SPATS2: variants seen among roughly 807,000 people sequenced by gnomAD.
SPATS2 encodes the protein spermatogenesis associated serine rich 2, also known as spermatogenesis-associated serine-rich protein 2.
A neutral mutation model predicts 63.7 loss-of-function variants in SPATS2; 38 were observed. The ratio of observed to expected loss-of-function variants is 0.60; its 90% CI spans 0.46 to 0.78. The LOEUF is 0.78. SPATS2 is among the 30% of genes least tolerant of loss of function. The pLI is 0.00. For missense variants in SPATS2, 588 were observed against 666.2 expected, an observed-to-expected ratio of 0.88 and a Z score of 1.29; for synonymous variants, 207 against 232.9, an observed-to-expected ratio of 0.89 and a Z score of 1.01.
At chr12:49,468,814 A>G (rs571457173) in intron 3 of SPATS2, among the ~76,000 whole-genome samples, 10 of 152,284 alleles carry the variant, frequency 6.6e-5, no homozygotes, top group African/African-American at 2.4e-4. Context: ...TTGCTGAGCT[A>G]TAGAACTTTT....
chr12:49,445,151 C>T (rs2137574089), intron 2 of SPATS2, among the ~76,000 whole-genome samples: 1 of 152,192 alleles, frequency 6.6e-6, no homozygotes, highest in Non-Finnish European at 1.5e-5. Flanking sequence ...TTGTTGAAAA[C>T]AAGTGATGAG....
intron 9 of SPATS2, among the ~76,000 whole-genome samples, chr12:49,502,069 A>G (rs879598262): frequency 4.6e-5 from 7 of 152,178 alleles, no homozygotes; most frequent in East Asian, 1.9e-4. Flanking sequence ...TGTTCATTAT[A>G]CTTATTTTTA....
intron 2 of SPATS2, among the ~76,000 whole-genome samples, chr12:49,409,035 A>T (rs1944748959): frequency 6.6e-6 from 1 of 152,302 alleles, no homozygotes; most frequent in South Asian, 2.1e-4. Context: ...GGACAGATGG[A>T]ATAATAATAG....
intron 9 of SPATS2, among the ~76,000 whole-genome samples, chr12:49,506,740 A>G (rs1946660595): frequency 6.6e-6 from 1 of 152,024 alleles, no homozygotes; most frequent in South Asian, 2.1e-4. Flanking sequence ...CAGCTACTCA[A>G]GAGGATCGCT....
In SPATS2 at chr12:49,516,197, ATAT is replaced by A. The variant is rs1565760977; in HGVS notation, c.898+1585_898+1587del. On this transcript the variant is annotated intron_variant, in intron 10 of 13. Transcript: ENST00000552918. ...TATATATATATATATATATATATAT[ATAT>A]ATATATATAAATCAGGCATGGGGTC... Among the ~76,000 whole-genome samples, 108 of 111,574 alleles carry A rather than the reference ATAT, an allele frequency of 9.7e-4. 9 individuals are homozygous for A. Among genetic ancestry groups the A allele is most frequent in the Middle Eastern group, 4.2e-3 (1 of 240 alleles). 73.2% of individuals were successfully genotyped at this position (111,574 alleles called of 152,430 possible). A position where few individuals can be genotyped will look rare whatever the true frequency, so the allele number is the denominator to read the frequency against.
At chr12:49,406,365 G>A (rs1944697440) in intron 2 of SPATS2, 1 of 151,364 alleles carries the variant, frequency 6.6e-6, no homozygotes. Context: ...GCTTACTGTA[G>A]CCTTGACCTC....
At chr12:49,415,126 T>G (rs539441319) in intron 2 of SPATS2, among the ~76,000 whole-genome samples, 38 of 150,852 alleles carry the variant, frequency 2.5e-4, no homozygotes, top group African/African-American at 8.5e-4. Context: ...GAGATGGGGT[T>G]TCACCATATT....
At chr12:49,492,177 G>C (rs1254279611) in intron 6 of SPATS2, among the ~76,000 whole-genome samples, 1 of 151,556 alleles carries the variant, frequency 6.6e-6, no homozygotes, top group African/African-American at 2.4e-5. Flanking sequence ...ATAGATAACT[G>C]TGAGTGTCCT....
chr12:49,367,746 G>A (rs541762491), intron 1 of SPATS2, among the ~76,000 whole-genome samples, 159 bp downstream of exon 1: 3 of 151,872 alleles, frequency 2.0e-5, no homozygotes, highest in Admixed American at 2.0e-4. Context: ...AGTGCCCAGA[G>A]GGTGGAAGGT....
At chr12:49,493,970 C>G (rs1294743191) in intron 6 of SPATS2, among the ~76,000 whole-genome samples, 1 of 152,162 alleles carries the variant, frequency 6.6e-6, no homozygotes, top group Non-Finnish European at 1.5e-5. Context: ...TTTATTTAAG[C>G]AGTCGCCTAT....
chr12:49,508,355 G>C (rs1946688165), intron 9 of SPATS2, among the ~76,000 whole-genome samples: 2 of 152,060 alleles, frequency 1.3e-5, no homozygotes, highest in South Asian at 4.1e-4. Context: ...TTACAGGCGT[G>C]TGCCACTACA....
At chr12:49,490,050 A>G in intron 5 of SPATS2, 1 of 153,654 alleles carries the variant, frequency 6.5e-6, no homozygotes, top group East Asian at 1.9e-4. Flanking sequence ...AGGCTTAGTC[A>G]ACCCTTCAGA....
intron 9 of SPATS2, among the ~76,000 whole-genome samples, chr12:49,501,641 C>T (rs567264708): frequency 2.4e-4 from 37 of 152,146 alleles, no homozygotes; most frequent in African/African-American, 8.2e-4. Context: ...TTTTTTGAGA[C>T]GGAGTCTCTG....
At chr12:49,394,756 T>A (rs1050011668) in intron 2 of SPATS2, among the ~76,000 whole-genome samples, 5 of 152,302 alleles carry the variant, frequency 3.3e-5, no homozygotes, top group Admixed American at 1.3e-4. Context: ...TTTTCACAGA[T>A]GATCATGTCA....
At chr12:49,525,489 T>G (rs1371603520) in intron 13 of SPATS2, among the ~76,000 whole-genome samples, 1 of 152,222 alleles carries the variant, frequency 6.6e-6, no homozygotes, top group East Asian at 1.9e-4. Context: ...GCGAAAGATG[T>G]GCTGAATGCC....
intron 2 of SPATS2, chr12:49,454,437 T>C (rs956954643): frequency 1.3e-5 from 2 of 152,252 alleles, no homozygotes; most frequent in East Asian, 1.9e-4. Context: ...TAATGTGGGC[T>C]ATCTAAGAAC....
intron 9 of SPATS2, among the ~76,000 whole-genome samples, chr12:49,503,279 G>A (rs1565754356): frequency 6.6e-6 from 1 of 151,898 alleles, no homozygotes; most frequent in Non-Finnish European, 1.5e-5. Flanking sequence ...GAACCCAGGA[G>A]GTGGAGGTTG....
At chr12:49,503,316 C>T (rs1205613694) in intron 9 of SPATS2, among the ~76,000 whole-genome samples, 1 of 151,330 alleles carries the variant, frequency 6.6e-6, no homozygotes, top group Non-Finnish European at 1.5e-5. Context: ...CGCCATTGCA[C>T]TCCAGCCTGG....
Position 49,436,020 on chromosome 12 carries a change from GAA to G in SPATS2, c.-243-24747_-243-24746del, listed in dbSNP as rs879904485. On this transcript the variant is annotated intron_variant, in intron 2 of 13. Coordinates refer to ENST00000552918, the MANE Select transcript of SPATS2 (RefSeq NM_023071.4). ...AATTTTTCTTAGTACAGAACAAAAT[GAA>G]AAGTCTCCCATGTCTACCTCTTTCT... Among the ~76,000 whole-genome samples the G allele has an allele frequency of 6.8e-3, 1,030 of 151,346 alleles. 17 individuals are homozygous for G. Among genetic ancestry groups the G allele is most frequent in the Non-Finnish European group, 5.6e-3 (381 of 67,720 alleles).
Sources: allele counts gnomAD v4.1 joint callset (sites outside exome capture counted in the v4.1 genomes callset), GRCh38; gene constraint gnomAD v4.1.1; transcripts MANE v1.5; gene names NCBI Gene and HGNC (gene_info 2026-07-23, HGNC 2026-07-21).